The following ABLIM2 variants were observed in gnomAD, a reference collection of about 807,000 sequenced individuals.
ABLIM2 encodes actin binding LIM protein family member 2.
Under a neutral mutation model 97.7 loss-of-function variants are expected in ABLIM2, and 53 were observed. The ratio of observed to expected loss-of-function variants is 0.54; its 90% CI spans 0.44 to 0.68. The LOEUF (loss-of-function observed/expected upper bound fraction) is 0.68. Among genes scored for constraint, ABLIM2 ranks in the 30% least tolerant of loss-of-function variants. The probability of loss-of-function intolerance (pLI) is 0.00; values close to 1 mark genes in which losing one functional copy is unlikely to be tolerated. For synonymous variants in ABLIM2, 361 were observed against 345.8 expected (o/e 1.04, Z -0.49); for missense variants, 835 against 867.2 (o/e 0.96, Z 0.47).
chr4:7,993,750 T>G (rs1212094002), intron 16 of ABLIM2, among the ~76,000 whole-genome samples: 1 of 152,202 alleles, frequency 6.6e-6, no homozygotes, highest in African/African-American at 2.4e-5. Flanking sequence ...AATTTCTAGC[T>G]TCTCGTGAAA....
rs770674519 is a variant in ABLIM2 at position 8,002,591 on chromosome 4, C to T, written c.1618+5468G>A. ...CTCCAGACCTTTCCTGATTGGACCT[C>T]GGCCTGCTTCCACCAGCTTCTGGCG... On this transcript the variant is annotated intron_variant, in intron 16 of 20. Transcript: ENST00000447017. This position sits in a 1 kb window ranked among gnomAD's most constrained non-coding sequence, Gnocchi z 6.1. 2.0e-5 allele frequency among the ~76,000 whole-genome samples: 3 copies of T among 152,190 alleles called. No homozygotes were observed. The highest frequency in any genetic ancestry group is 1.9e-4 in the East Asian group (1 of 5,192).
chr4:7,987,289 A>T (rs1339458192), intron 17 of ABLIM2, among the ~76,000 whole-genome samples: 1 of 151,214 alleles, frequency 6.6e-6, no homozygotes, highest in Non-Finnish European at 1.5e-5. Context: ...TGCCTGGCTA[A>T]TTAAAAAAAA....
At chr4:8,156,670 C>A (rs1715467548) in intron 1 of ABLIM2, among the ~76,000 whole-genome samples, 1 of 152,256 alleles carries the variant, frequency 6.6e-6, no homozygotes, top group Non-Finnish European at 1.5e-5. Context: ...CCAGATGATG[C>A]TCAGCCACTC....
rs368351680 is a variant in ABLIM2 at position 8,139,253 on chromosome 4, GAATGGAAGGGA to G, written c.10+19416_10+19426del. Among the ~76,000 whole-genome samples, 114 of 145,904 alleles carry G rather than the reference GAATGGAAGGGA, an allele frequency of 7.8e-4. 2 individuals are homozygous for G. The highest frequency in any genetic ancestry group is 2.9e-3 in the African/African-American group (109 of 37,302). On this transcript the variant is annotated intron_variant, in intron 1 of 20. Coordinates refer to ENST00000447017, the MANE Select transcript of ABLIM2 (RefSeq NM_001130083.2). ...AAAGGGAAGGGAGGGGAGGGGAGGGGAATGGAAGGGAAGGGAAGGGAAGGGAGAAAAAAAGA... is the reference window on the plus strand; with the variant it reads ...AAAGGGAAGGGAGGGGAGGGGAGGGGAGGGAAGGGAAGGGAGAAAAAAAGA...
intron 20 of ABLIM2, among the ~76,000 whole-genome samples, chr4:7,980,827 G>C (rs1172572326): frequency 1.3e-5 from 2 of 151,732 alleles, no homozygotes; most frequent in African/African-American, 2.4e-5. Flanking sequence ...TTAGCTGAGA[G>C]TCTAGCACCT....
chr4:8,145,957 C>A (rs1473329594), intron 1 of ABLIM2, among the ~76,000 whole-genome samples: 1 of 152,058 alleles, frequency 6.6e-6, no homozygotes, highest in Non-Finnish European at 1.5e-5. Context: ...ATTGAGCAAA[C>A]CCGCCACTAG....
chr4:8,078,167 G>A (rs1817503802), intron 5 of ABLIM2, among the ~76,000 whole-genome samples: 1 of 152,224 alleles, frequency 6.6e-6, no homozygotes, highest in African/African-American at 2.4e-5. Flanking sequence ...CCCAGATGAG[G>A]GTGTGGTAGG....
chr4:8,071,693 A>AACCACCCCC lies in ABLIM2; in HGVS notation c.675+5934_675+5935insGGGGGTGGT. On this transcript the variant is annotated intron_variant, in intron 6 of 20. Coordinates refer to ENST00000447017, the MANE Select transcript of ABLIM2 (RefSeq NM_001130083.2). This position sits in a 1 kb window ranked among gnomAD's most constrained non-coding sequence, Gnocchi z 6.2. ...ACACCTGACTGCTCTGTCCCCAAAA[A>AACCACCCCC]CCCACCCACCCGCAGCCCCTCCTGG... The AACCACCCCC allele has an allele frequency of 2.4e-6, 2 of 819,830 alleles. No individual in the cohort carries two copies. Among genetic ancestry groups the AACCACCCCC allele is most frequent in the Non-Finnish European group, 1.5e-6 (1 of 679,292 alleles). 50.8% of individuals were successfully genotyped at this position (819,830 alleles called of 1,614,324 possible).
chr4:8,137,555 G>A (rs914969215), intron 1 of ABLIM2, among the ~76,000 whole-genome samples: 1 of 152,222 alleles, frequency 6.6e-6, no homozygotes, highest in South Asian at 2.1e-4. Flanking sequence ...GAGCCCCTAA[G>A]AGCTCAGCCT....
rs968760042 is a variant in ABLIM2 at position 8,087,160 on chromosome 4, C to G, written c.454+1009G>C. 2.6e-5 allele frequency among the ~76,000 whole-genome samples: 4 copies of G among 152,230 alleles called. No homozygotes were observed. Among genetic ancestry groups the G allele is most frequent in the African/African-American group, 9.6e-5 (4 of 41,462 alleles). On this transcript the variant is annotated intron_variant, in intron 4 of 20. Transcript: ENST00000447017. This position sits in a 1 kb window ranked among gnomAD's most constrained non-coding sequence, Gnocchi z 4.6. ...CCCCAGAAATCAGGAGAAACCCCTC[C>G]TCTGTCTGGGGACACCCCAGTGACC...
At chr4:8,105,836 G>A (rs946537712) in intron 2 of ABLIM2, among the ~76,000 whole-genome samples, 1 of 152,218 alleles carries the variant, frequency 6.6e-6, no homozygotes, top group Non-Finnish European at 1.5e-5. Flanking sequence ...AATTAGCAAG[G>A]GCACATGCGT....
chr4:8,014,946 A>G (rs1429097204), intron 14 of ABLIM2, among the ~76,000 whole-genome samples: 1 of 144,488 alleles, frequency 6.9e-6, no homozygotes, highest in African/African-American at 2.6e-5. Context: ...TTTTTGACAG[A>G]GTCTCGTTCT....
In ABLIM2 at chr4:8,128,010, C is replaced by A. The variant is rs909696555; in HGVS notation, c.11-21373G>T. 6.6e-6 allele frequency among the ~76,000 whole-genome samples: 1 copy of A among 152,194 alleles called. No individual in the cohort carries two copies. Among genetic ancestry groups the A allele is most frequent in the African/African-American group, 2.4e-5 (1 of 41,458 alleles). Reference sequence around the variant, plus strand: ...GGGCTTCAAACAACAGATACGGATTCTCTCGCAGTTCTGGGGGCCAGAAGT... The same window carrying A: ...GGGCTTCAAACAACAGATACGGATTATCTCGCAGTTCTGGGGGCCAGAAGT... On this transcript the variant is annotated intron_variant, in intron 1 of 20. Coordinates refer to ENST00000447017, the MANE Select transcript of ABLIM2 (RefSeq NM_001130083.2). The surrounding 1 kb of genome is among the most constrained non-coding windows in gnomAD (Gnocchi z 4.9).
chr4:8,035,781 G>A (rs917246670), intron 10 of ABLIM2, among the ~76,000 whole-genome samples: 6 of 152,208 alleles, frequency 3.9e-5, no homozygotes, highest in African/African-American at 1.2e-4. Context: ...CCAAGAGTCC[G>A]CTACAGAGGA....
At chr4:8,066,136 C>T (rs1287207258) in intron 6 of ABLIM2, among the ~76,000 whole-genome samples, 1 of 148,788 alleles carries the variant, frequency 6.7e-6, no homozygotes, top group Admixed American at 6.7e-5. Context: ...CCTGTCTCTA[C>T]TAAAAAAAAA....
rs1176145974 is a variant in ABLIM2 at position 8,097,082 on chromosome 4, G to T, written c.338+17C>A. 2.5e-6 allele frequency: 4 copies of T among 1,593,494 alleles called. No individual in the cohort carries two copies. The South Asian group carries it at 4.5e-5, about 18-fold the overall frequency. On this transcript the variant is annotated intron_variant, in intron 3 of 20. Transcript: ENST00000447017. ...AGAGAGGCAGGGGAAGCAGAGGCCA[G>T]GTGCCCACTTACTCACCGGCAGACG...
chr4:8,101,783 C>T lies in ABLIM2; in HGVS notation c.155-4501G>A, dbSNP rs116453159. Among the ~76,000 whole-genome samples, 616 of 152,308 alleles carry T rather than the reference C, an allele frequency of 4.0e-3. 6 individuals are homozygous for T. Among genetic ancestry groups the T allele is most frequent in the African/African-American group, 0.014 (564 of 41,558 alleles). On this transcript the variant is annotated intron_variant, in intron 2 of 20. Coordinates refer to ENST00000447017, the MANE Select transcript of ABLIM2 (RefSeq NM_001130083.2). ...AACACATCACAGTTAAAACATATTC[C>T]CAAAGCACAGAGCTCAGCCACCCTT...
At position 8,095,936 on chromosome 4, in the gene ABLIM2, T is replaced by A. The variant is rs1278523336; in HGVS notation, c.338+1163A>T. 2.0e-5 allele frequency among the ~76,000 whole-genome samples: 3 copies of A among 152,198 alleles called. No homozygotes were observed. Among genetic ancestry groups the A allele is most frequent in the Non-Finnish European group, 2.9e-5 (2 of 68,034 alleles). On this transcript the variant is annotated intron_variant, in intron 3 of 20. Coordinates refer to ENST00000447017, the MANE Select transcript of ABLIM2 (RefSeq NM_001130083.2). This position sits in a 1 kb window ranked among gnomAD's most constrained non-coding sequence, Gnocchi z 4.7. ...ATTCCTCTGCGACTACAGGGCTTCA[T>A]ATTTGGTCAAAGACTCCAAGGTACC...
chr4:8,101,878 G>T (rs1454224916), intron 2 of ABLIM2, among the ~76,000 whole-genome samples: 1 of 152,174 alleles, frequency 6.6e-6, no homozygotes, highest in Admixed American at 6.5e-5. Flanking sequence ...TTTATGTTCT[G>T]CATGTATTCC....
Sources: allele counts gnomAD v4.1 joint callset (sites outside exome capture counted in the v4.1 genomes callset), GRCh38; gene constraint gnomAD v4.1.1; non-coding constraint Gnocchi (gnomAD v3.1); transcripts MANE v1.5; gene names NCBI Gene and HGNC (gene_info 2026-07-23, HGNC 2026-07-21).